TSC22D1: variants seen among roughly 807,000 people sequenced by gnomAD.
TSC22D1 encodes the protein TSC22 domain family member 1, also known as TSC22 domain family protein 1.
Under a neutral mutation model 74.2 loss-of-function variants are expected in TSC22D1, and 9 were observed. That is an observed-to-expected ratio of 0.12 (90% CI 0.07 to 0.21). The LOEUF (loss-of-function observed/expected upper bound fraction) is 0.21, where lower values mean the gene tolerates loss of function less well. Ranked by LOEUF, TSC22D1 falls within the 10% of genes least tolerant of loss-of-function variation. The probability of loss-of-function intolerance (pLI) is 1.00; values close to 1 mark genes in which losing one functional copy is unlikely to be tolerated. For missense variants in TSC22D1, 1,427 were observed against 1,304.7 expected (o/e 1.09, Z -1.44); for synonymous variants, 586 against 492.5 (o/e 1.19, Z -2.51).
chr13:44,521,083 G>C (rs1461610247), intron 1 of TSC22D1, among the ~76,000 whole-genome samples: 1 of 152,116 alleles, frequency 6.6e-6, no homozygotes, highest in South Asian at 2.1e-4. Context: ...TGACCCTAGA[G>C]AGCAAAAGCT....
intron 1 of TSC22D1, among the ~76,000 whole-genome samples, chr13:44,512,998 T>G (rs1879811475): frequency 6.6e-6 from 1 of 152,246 alleles, no homozygotes; most frequent in South Asian, 2.1e-4. Context: ...TCAGGTTAGC[T>G]CCTTCCTAAA....
Position 44,505,923 on chromosome 13 carries a change from T to C in TSC22D1, c.2912+67240A>G, listed in dbSNP as rs75688141. On this transcript the variant is annotated intron_variant, in intron 1 of 2. Transcript: ENST00000458659. ...CTAGTACTGGGCAGTGTTTTCAGTA[T>C]TTTAAACATACATTAACTCATTTTA... Among the ~76,000 whole-genome samples, 1,277 of 152,294 alleles carry C rather than the reference T, an allele frequency of 8.4e-3. 5 individuals carry two copies. The highest frequency in any genetic ancestry group is 0.015 in the Non-Finnish European group (1,009 of 68,028).
At chr13:44,512,077 T>C (rs1444438501) in intron 1 of TSC22D1, among the ~76,000 whole-genome samples, 1 of 152,224 alleles carries the variant, frequency 6.6e-6, no homozygotes, top group African/African-American at 2.4e-5. Context: ...ACATCTTCAT[T>C]TCAGAATTGT....
intron 1 of TSC22D1, chr13:44,452,955 CA>C (rs1876268311): frequency 6.6e-6 from 1 of 152,208 alleles, no homozygotes. Flanking sequence ...CTCTTGTTTT[CA>C]AAATGCTAAC....
intron 1 of TSC22D1, among the ~76,000 whole-genome samples, chr13:44,459,305 TG>T (rs1325948948): frequency 6.6e-6 from 1 of 152,140 alleles, no homozygotes; most frequent in Non-Finnish European, 1.5e-5. Context: ...TCCTCTCCAC[TG>T]AGAGCTGGAC....
In TSC22D1 at chr13:44,517,853, A is replaced by ATTTTTTTTTT. The variant is rs1438542551; in HGVS notation, c.2912+55309_2912+55310insAAAAAAAAAA. Among the ~76,000 whole-genome samples the ATTTTTTTTTT allele has an allele frequency of 1.7e-4, 4 of 23,258 alleles. 1 individual carries two copies. Among genetic ancestry groups the ATTTTTTTTTT allele is most frequent in the Non-Finnish European group, 2.5e-4 (2 of 8,070 alleles). 15.3% of individuals were successfully genotyped at this position (23,258 alleles called of 152,430 possible). A position where few individuals can be genotyped will look rare whatever the true frequency, so the allele number is the denominator to read the frequency against. On this transcript the variant is annotated intron_variant, in intron 1 of 2. Transcript: ENST00000458659. ...TGTATATATATATATATATATATAT[A>ATTTTTTTTTT]TATATTTTTTTTTTTTTTTTTTTTT...
chr13:44,443,385 C>G (rs1481176885), intron 1 of TSC22D1, among the ~76,000 whole-genome samples: 2 of 151,806 alleles, frequency 1.3e-5, no homozygotes, highest in African/African-American at 2.4e-5. Context: ...GAAATTAAGA[C>G]TTTTTCAGAC....
intron 1 of TSC22D1, among the ~76,000 whole-genome samples, chr13:44,551,009 A>C (rs1882201187): frequency 6.6e-6 from 1 of 150,812 alleles, no homozygotes; most frequent in African/African-American, 2.4e-5. Context: ...CAAGAGGCTG[A>C]GGTGGGAGGA....
chr13:44,436,220 T>A, intron 1 of TSC22D1, 125 bp from the exon 2 acceptor site: 1 of 1,140,174 alleles, frequency 8.8e-7, no homozygotes, highest in Non-Finnish European at 1.3e-6. Flanking sequence ...TAACACTATG[T>A]AATGTATCAC....
At chr13:44,488,177 G>A (rs1878532972) in intron 1 of TSC22D1, among the ~76,000 whole-genome samples, 2 of 152,134 alleles carry the variant, frequency 1.3e-5, no homozygotes, top group Admixed American at 6.6e-5. Flanking sequence ...TAACAAGTAC[G>A]TGCAGTATCA....
At chr13:44,550,743 A>G (rs1882181807) in intron 1 of TSC22D1, among the ~76,000 whole-genome samples, 1 of 152,110 alleles carries the variant, frequency 6.6e-6, no homozygotes, top group African/African-American at 2.4e-5. Flanking sequence ...AAAACCAATC[A>G]GCCCAGCCTG....
At chr13:44,495,353 A>C (rs1336195304) in intron 1 of TSC22D1, among the ~76,000 whole-genome samples, 3 of 152,140 alleles carry the variant, frequency 2.0e-5, no homozygotes, top group Non-Finnish European at 4.4e-5. Context: ...CTATCTTTTA[A>C]AAATGAGAGA....
At chr13:44,553,718 C>T (rs1882437319) in intron 1 of TSC22D1, among the ~76,000 whole-genome samples, 1 of 152,168 alleles carries the variant, frequency 6.6e-6, no homozygotes, top group Admixed American at 6.5e-5. Flanking sequence ...GTTGCTTTTA[C>T]AACAACTTAT....
chr13:44,541,648 G>A (rs1881476078), intron 1 of TSC22D1, among the ~76,000 whole-genome samples: 1 of 152,100 alleles, frequency 6.6e-6, no homozygotes, highest in African/African-American at 2.4e-5. Flanking sequence ...GTATTTTACA[G>A]TATAATCACA....
At chr13:44,542,749 G>A (rs1881553490) in intron 1 of TSC22D1, among the ~76,000 whole-genome samples, 1 of 152,028 alleles carries the variant, frequency 6.6e-6, no homozygotes, top group South Asian at 2.1e-4. Flanking sequence ...TGAAGACTCT[G>A]AATTTGATAA....
chr13:44,438,975 G>A (rs770885988), intron 1 of TSC22D1, among the ~76,000 whole-genome samples: 2 of 151,988 alleles, frequency 1.3e-5, no homozygotes, highest in Non-Finnish European at 2.9e-5. Context: ...AAACTCTAAG[G>A]TCATATAAAA....
intron 1 of TSC22D1, among the ~76,000 whole-genome samples, chr13:44,482,332 C>T (rs61949808): frequency 0.092 from 13,955 of 152,036 alleles, 800 homozygotes; most frequent in Non-Finnish European, 0.13. Context: ...GTCAGGAGTT[C>T]GAGACCAGTC....
At chr13:44,485,294 G>A (rs1405213123) in intron 1 of TSC22D1, among the ~76,000 whole-genome samples, 1 of 151,982 alleles carries the variant, frequency 6.6e-6, no homozygotes, top group African/African-American at 2.4e-5. Context: ...ATAAGCAATA[G>A]GCCCTATAAA....
At chr13:44,488,213 G>A (rs180868990) in intron 1 of TSC22D1, among the ~76,000 whole-genome samples, 9 of 152,254 alleles carry the variant, frequency 5.9e-5, no homozygotes, top group Admixed American at 5.9e-4. Flanking sequence ...CTGAAGTCCT[G>A]CATTGTCTAA....
Sources: gnomAD v4.1 joint callset for allele counts (sites outside exome capture counted in the v4.1 genomes callset) on GRCh38, gnomAD v4.1.1 for gene constraint, MANE v1.5 for transcripts, NCBI Gene and HGNC (gene_info 2026-07-23, HGNC 2026-07-21) for gene names.